Variants in RBMS2 observed in about 807,000 individuals in gnomAD.
RBMS2 encodes the protein RNA-binding motif, single-stranded-interacting protein 2.
A neutral mutation model predicts 58.4 loss-of-function variants in RBMS2; 38 were observed. That is an observed-to-expected ratio of 0.65 (90% confidence interval 0.50 to 0.85). The LOEUF (loss-of-function observed/expected upper bound fraction) is 0.85. Ranked by LOEUF, RBMS2 falls within the 40% of genes least tolerant of loss-of-function variation. The probability of loss-of-function intolerance (pLI) is 0.00; values close to 1 mark genes in which losing one functional copy is unlikely to be tolerated. For synonymous variants in RBMS2, 151 were observed against 180.7 expected (o/e 0.84, Z 1.32); for missense variants, 367 against 503.7 (o/e 0.73, Z 2.60).
At chr12:56,532,511 C>T (rs1307783740) in intron 1 of RBMS2, among the ~76,000 whole-genome samples, 2 of 151,204 alleles carry the variant, frequency 1.3e-5, no homozygotes, top group Non-Finnish European at 2.9e-5. Context: ...CATTGCACTC[C>T]AGCCTGGGCA....
At chr12:56,522,111 G>C in intron 1 of RBMS2, 22 bp downstream of exon 1, 1 of 1,540,492 alleles carries the variant, frequency 6.5e-7, no homozygotes, top group Non-Finnish European at 8.9e-7. Flanking sequence ...CGCTTTTTTG[G>C]TATCTAGCTA....
At chr12:56,538,823 A>G (rs1875512779) in intron 1 of RBMS2, among the ~76,000 whole-genome samples, 1 of 152,008 alleles carries the variant, frequency 6.6e-6, no homozygotes. Context: ...ATGAGCATGG[A>G]GTGTCTTTCC....
In RBMS2 at chr12:56,588,391, T is replaced by C; in HGVS notation, c.1143+17T>C. On this transcript the variant is annotated intron_variant, in intron 12 of 13. Coordinates refer to ENST00000262031, the MANE Select transcript of RBMS2 (RefSeq NM_002898.4). ...TCAGTCGAGGTAAGGGTGTTATCAT[T>C]TCTTTGGATTGAGATTAGGAAAATG... 4 of 1,596,486 alleles carry C rather than the reference T, an allele frequency of 2.5e-6. No individual in the cohort carries two copies. In the South Asian group the frequency reaches 3.3e-5, roughly 13 times the overall value.
intron 2 of RBMS2, among the ~76,000 whole-genome samples, chr12:56,565,576 CA>C (rs1367888942): frequency 2.6e-5 from 4 of 151,968 alleles, no homozygotes; most frequent in Non-Finnish European, 5.9e-5. Context: ...GTAAGGAGCC[CA>C]AAAGGGGACT....
intron 5 of RBMS2, among the ~76,000 whole-genome samples, chr12:56,580,895 T>G (rs1275119100): frequency 6.6e-6 from 1 of 152,232 alleles, no homozygotes. Flanking sequence ...CTATTTCTTG[T>G]ATTCTTATTT....
chr12:56,568,069 A>C (rs1881670131), intron 2 of RBMS2, among the ~76,000 whole-genome samples: 1 of 152,200 alleles, frequency 6.6e-6, no homozygotes, highest in Admixed American at 6.5e-5. Flanking sequence ...TTTACAGATG[A>C]TGAGGCTGAG....
intron 1 of RBMS2, among the ~76,000 whole-genome samples, chr12:56,541,115 A>C (rs545142181): frequency 2.1e-4 from 31 of 150,054 alleles, no homozygotes; most frequent in Admixed American, 9.3e-4. Flanking sequence ...AAAAAAAAAA[A>C]CCCCAAAACC....
chr12:56,554,809 T>G (rs1878935123), intron 1 of RBMS2, among the ~76,000 whole-genome samples: 1 of 152,130 alleles, frequency 6.6e-6, no homozygotes, highest in African/African-American at 2.4e-5. Flanking sequence ...CAGCTTAGTT[T>G]TTTCATGTAG....
chr12:56,589,117 T>C, intron 13 of RBMS2, 23 bp from the exon 14 acceptor site: 1 of 1,586,320 alleles, frequency 6.3e-7, no homozygotes, highest in Non-Finnish European at 8.6e-7. Context: ...TCTTGTCTCC[T>C]CTCTGGCTTG....
rs562467325 is a variant in RBMS2 at position 56,579,651 on chromosome 12, C to A, written c.543-1533C>A. Among the ~76,000 whole-genome samples the A allele has an allele frequency of 3.7e-3, 547 of 149,216 alleles. 8 individuals are homozygous for A. Among genetic ancestry groups the A allele is most frequent in the African/African-American group, 0.013 (519 of 40,500 alleles). ...TCAGTCTCAAAAAAAAAAAAAAAAT[C>A]TTTTATAGGAATGGTTCATATTTCT... On this transcript the variant is annotated intron_variant, in intron 5 of 13. Coordinates refer to ENST00000262031, the MANE Select transcript of RBMS2 (RefSeq NM_002898.4).
intron 1 of RBMS2, among the ~76,000 whole-genome samples, chr12:56,530,698 A>C (rs1051675151): frequency 6.6e-6 from 1 of 152,096 alleles, no homozygotes; most frequent in Non-Finnish European, 1.5e-5. Context: ...TAGGAGACAA[A>C]TGTAAAGAGA....
At chr12:56,526,728 T>C (rs1429894072) in intron 1 of RBMS2, among the ~76,000 whole-genome samples, 1 of 146,084 alleles carries the variant, frequency 6.8e-6, no homozygotes, top group Admixed American at 7.0e-5. Context: ...GTTTCTTCAA[T>C]GTTTGAAGAA....
chr12:56,570,326 C>T (rs1882076291), intron 4 of RBMS2, among the ~76,000 whole-genome samples: 1 of 152,162 alleles, frequency 6.6e-6, no homozygotes, highest in Admixed American at 6.5e-5. Context: ...GGTGGTTTTG[C>T]AACATTCTCT....
chr12:56,556,309 A>G (rs1879222085), intron 1 of RBMS2, among the ~76,000 whole-genome samples: 1 of 152,066 alleles, frequency 6.6e-6, no homozygotes, highest in Admixed American at 6.6e-5. Flanking sequence ...CATATGATCT[A>G]AAGTATTTAA....
intron 1 of RBMS2, among the ~76,000 whole-genome samples, chr12:56,528,612 C>T (rs1166472792): frequency 6.6e-6 from 1 of 152,174 alleles, no homozygotes; most frequent in Non-Finnish European, 1.5e-5. Flanking sequence ...TACCACTTCA[C>T]ACCCAGTAGG....
At chr12:56,531,733 C>T (rs1391832363) in intron 1 of RBMS2, among the ~76,000 whole-genome samples, 1 of 148,782 alleles carries the variant, frequency 6.7e-6, no homozygotes, top group African/African-American at 2.5e-5. Flanking sequence ...AAGGCTGAGG[C>T]GAGGAACCTG....
upstream of RBMS2, among the ~76,000 whole-genome samples, chr12:56,521,513 T>G (rs977138119): frequency 2.7e-5 from 4 of 146,944 alleles, no homozygotes; most frequent in African/African-American, 1.0e-4. Flanking sequence ...TTTTTTTTTT[T>G]TTTTTTTTTT....
chr12:56,549,290 G>A (rs115016173), intron 1 of RBMS2, among the ~76,000 whole-genome samples: 4,125 of 151,858 alleles, frequency 0.027, 196 homozygotes, highest in African/African-American at 0.092. Flanking sequence ...CCACTGGGCC[G>A]GGCCAGAAAT....
rs142850850 is a variant in RBMS2 at position 56,540,215 on chromosome 12, C to T, written c.66+18126C>T. 7.8e-3 allele frequency among the ~76,000 whole-genome samples: 1,191 copies of T among 152,226 alleles called. 16 individuals are homozygous for T. Among genetic ancestry groups the T allele is most frequent in the African/African-American group, 0.026 (1,092 of 41,528 alleles). ...GTCTGGTTTAGCTAAGCATTTTGTC[C>T]TTGGTACCTAACGTAGTACCTAGTA... is the stretch of plus-strand genomic sequence containing the variant. On this transcript the variant is annotated intron_variant, in intron 1 of 13. Transcript: ENST00000262031.
Sources: allele counts gnomAD v4.1 joint callset (sites outside exome capture counted in the v4.1 genomes callset), GRCh38; gene constraint gnomAD v4.1.1; transcripts MANE v1.5; gene names NCBI Gene and HGNC (gene_info 2026-07-23, HGNC 2026-07-21).